Variants in USP13 observed in about 807,000 individuals in gnomAD.
The protein encoded by USP13 is ubiquitin carboxyl-terminal hydrolase 13.
Under a neutral mutation model 107.8 loss-of-function variants are expected in USP13, and 68 were observed. That is an observed-to-expected ratio of 0.63 (90% confidence interval 0.52 to 0.77). The LOEUF is 0.77. Among genes scored for constraint, USP13 ranks in the 30% least tolerant of loss-of-function variants. USP13 has a pLI of 0.00. For synonymous variants in USP13, 377 were observed against 389.5 expected (o/e 0.97, Z 0.38); for missense variants, 945 against 1,093.3 (o/e 0.86, Z 1.91).
chr3:179,657,943 T>G (rs1359607462), intron 1 of USP13, among the ~76,000 whole-genome samples: 1 of 152,086 alleles, frequency 6.6e-6, no homozygotes, highest in Non-Finnish European at 1.5e-5. Context: ...CTCTCATCTC[T>G]TTGGTTGTTG....
intron 1 of USP13, among the ~76,000 whole-genome samples, chr3:179,674,183 G>GCGCCCGGCCTGTTTT (rs1226481694): frequency 3.3e-5 from 5 of 152,146 alleles, no homozygotes; most frequent in African/African-American, 1.2e-4. Context: ...GTGAGCCACT[G>GCGCCCGGCCTGTTTT]CGCCCGGCCT....
At position 179,728,962 on chromosome 3, in the gene USP13, ACCGTGG is replaced by A. The variant is rs1256536194; in HGVS notation, c.1089-1226_1089-1221del. The stretch of plus-strand genomic sequence containing the variant: ...AGACCGTGGAGAGAGGGAGAGGGAG[ACCGTGG>A]GGAGACGGAGAGGAAGAGGGAGAGG... On this transcript the variant is annotated intron_variant, in intron 8 of 20. Coordinates refer to ENST00000263966, the MANE Select transcript of USP13 (RefSeq NM_003940.3). 4.4e-3 allele frequency among the ~76,000 whole-genome samples: 631 copies of A among 144,890 alleles called. 6 individuals carry two copies. The highest frequency in any genetic ancestry group is 0.014 in the African/African-American group (580 of 40,164).
At position 179,721,735 on chromosome 3, in the gene USP13, G is replaced by C; in HGVS notation, c.1088+146G>C. ...TCTGGCCTGCCTTCTACAGAGACTG[G>C]GTGAGAACACTTGTCAAGTATTATG... On this transcript the variant is annotated intron_variant, in intron 8 of 20. Coordinates refer to ENST00000263966, the MANE Select transcript of USP13 (RefSeq NM_003940.3). This position sits in a 1 kb window ranked among gnomAD's most constrained non-coding sequence, Gnocchi z 4.3. 1 of 845,664 alleles carries C rather than the reference G, an allele frequency of 1.2e-6. No individual in the cohort carries two copies. The highest frequency in any genetic ancestry group is 1.8e-5 in the South Asian group (1 of 54,526). 52.4% of individuals were successfully genotyped at this position (845,664 alleles called of 1,614,324 possible). A position where few individuals can be genotyped will look rare whatever the true frequency, so the allele number is the denominator to read the frequency against.
intron 13 of USP13, among the ~76,000 whole-genome samples, chr3:179,750,326 G>GTGTGTGTATATA (rs1553797370): frequency 5.3e-5 from 4 of 75,828 alleles, no homozygotes; most frequent in African/African-American, 1.6e-4. Flanking sequence ...ATATATGTGT[G>GTGTGTGTATATA]TATATATATA....
At chr3:179,661,337 C>T (rs1370872567) in intron 1 of USP13, among the ~76,000 whole-genome samples, 1 of 152,104 alleles carries the variant, frequency 6.6e-6, no homozygotes, top group African/African-American at 2.4e-5. Context: ...TTTAGCTCAA[C>T]CATAGATGTC....
chr3:179,689,752 T>C (rs1712042092), intron 2 of USP13, among the ~76,000 whole-genome samples: 1 of 152,152 alleles, frequency 6.6e-6, no homozygotes, highest in Non-Finnish European at 1.5e-5. Flanking sequence ...GGAGGTTAGA[T>C]TGAGATTTCA....
At chr3:179,723,621 T>C (rs904197920) in intron 8 of USP13, among the ~76,000 whole-genome samples, 3 of 152,224 alleles carry the variant, frequency 2.0e-5, no homozygotes, top group African/African-American at 7.2e-5. Context: ...CCTAGTCTTG[T>C]TTCAAGAGTC....
intron 1 of USP13, among the ~76,000 whole-genome samples, chr3:179,655,369 C>G (rs1253468777): frequency 1.3e-5 from 2 of 152,036 alleles, no homozygotes; most frequent in African/African-American, 4.8e-5. Flanking sequence ...TGTTACTATT[C>G]TAGAAACATC....
chr3:179,684,820 T>G (rs1486884345), intron 2 of USP13, among the ~76,000 whole-genome samples: 2 of 152,170 alleles, frequency 1.3e-5, no homozygotes, highest in Non-Finnish European at 2.9e-5. Flanking sequence ...CATATTTATT[T>G]TTTTTTCCAG....
chr3:179,751,819 G>A (rs1714622211), intron 13 of USP13, among the ~76,000 whole-genome samples: 1 of 152,154 alleles, frequency 6.6e-6, no homozygotes, highest in African/African-American at 2.4e-5. Context: ...TGCCTCTGGG[G>A]TTCAAGTGAT....
At chr3:179,712,664 C>G (rs541506300) in intron 6 of USP13, among the ~76,000 whole-genome samples, 83 of 151,346 alleles carry the variant, frequency 5.5e-4, no homozygotes, top group African/African-American at 2.0e-3. Context: ...TTTTTCTATT[C>G]TGATGAACAT....
At chr3:179,736,295 G>C (rs992561671) in intron 10 of USP13, among the ~76,000 whole-genome samples, 1 of 152,168 alleles carries the variant, frequency 6.6e-6, no homozygotes, top group Non-Finnish European at 1.5e-5. Context: ...AGATCTGGAG[G>C]CTTCATGAGA....
chr3:179,690,721 C>T (rs1458699339), intron 3 of USP13, among the ~76,000 whole-genome samples: 5 of 152,166 alleles, frequency 3.3e-5, no homozygotes, highest in Admixed American at 3.3e-4. Context: ...CACAGGCACA[C>T]ACCACCACGA....
chr3:179,683,058 GTT>G (rs968678337), intron 2 of USP13, among the ~76,000 whole-genome samples: 1 of 142,826 alleles, frequency 7.0e-6, no homozygotes. Context: ...TTCTATTCTG[GTT>G]TTTTTTTTTT....
chr3:179,696,888 A>T (rs1028779174), intron 3 of USP13, among the ~76,000 whole-genome samples: 1 of 151,994 alleles, frequency 6.6e-6, no homozygotes, highest in Non-Finnish European at 1.5e-5. Flanking sequence ...CCCTAATTCC[A>T]TATATATATA....
chr3:179,656,458 G>A (rs1720263836), intron 1 of USP13, among the ~76,000 whole-genome samples: 1 of 152,248 alleles, frequency 6.6e-6, no homozygotes, highest in Non-Finnish European at 1.5e-5. Context: ...TGGGATATGA[G>A]TAGTGTATTA....
In USP13 at chr3:179,745,096, C is replaced by A. The variant is rs1180163764; in HGVS notation, c.1588C>A (p.Pro530Thr). The change falls in exon 13 of 21, where the codon CCC becomes ACC. Residue 530 changes from proline to threonine, a missense_variant. Coordinates refer to ENST00000263966, the MANE Select transcript of USP13 (RefSeq NM_003940.3). ...AAGGGAAGCAGAAGCAAACAGAAGA[C>A]CCCTTCCTGAGTTGGTACGTGCCAA... ...TRREAEANRRPLPELVRAKIP... is the reference protein window; with the variant it reads ...TRREAEANRRTLPELVRAKIP... The A allele has an allele frequency of 8.7e-6, 14 of 1,614,044 alleles. No homozygotes were observed. The highest frequency in any genetic ancestry group is 2.7e-5 in the African/African-American group (2 of 74,900).
In USP13 at chr3:179,742,975, G is replaced by A. The variant is rs934040326; in HGVS notation, c.1534+625G>A. The stretch of plus-strand genomic sequence containing the variant: ...CAGAATAGACAAATGGCATTTCTTC[G>A]AATTAACATCGTAGAAGCAAAAAAG... On this transcript the variant is annotated intron_variant, in intron 12 of 20. Coordinates refer to ENST00000263966, the MANE Select transcript of USP13 (RefSeq NM_003940.3). The surrounding 1 kb of genome is among the most constrained non-coding windows in gnomAD (Gnocchi z 5.0). Among the ~76,000 whole-genome samples, 3 of 152,132 alleles carry A rather than the reference G, an allele frequency of 2.0e-5. No homozygotes were observed. The highest frequency in any genetic ancestry group is 7.2e-5 in the African/African-American group (3 of 41,414).
chr3:179,745,628 C>G (rs1260189690), intron 13 of USP13, among the ~76,000 whole-genome samples: 1 of 151,872 alleles, frequency 6.6e-6, no homozygotes, highest in East Asian at 1.9e-4. Flanking sequence ...ATCCCCTACC[C>G]GCAAATGGCA....
Sources: gnomAD v4.1 joint callset for allele counts (sites outside exome capture counted in the v4.1 genomes callset) on GRCh38, gnomAD v4.1.1 for gene constraint, Gnocchi (gnomAD v3.1) non-coding constraint, MANE v1.5 for transcripts, NCBI Gene and HGNC (gene_info 2026-07-23, HGNC 2026-07-21) for gene names.